The following INPP5A variants were observed in gnomAD, a reference collection of about 807,000 sequenced individuals.
The protein encoded by INPP5A is inositol polyphosphate-5-phosphatase A, also known as 43 kDa inositol polyphosphate 5-phophatase.
INPP5A carries 14 observed loss-of-function variants against 65.2 expected under a neutral mutation model. That is an observed-to-expected ratio of 0.21 (90% CI 0.14 to 0.34). INPP5A has a LOEUF of 0.34. Among genes scored for constraint, INPP5A ranks in the 10% least tolerant of loss-of-function variants. INPP5A has a pLI of 1.00. For synonymous variants in INPP5A, 207 were observed against 208.3 expected, an observed-to-expected ratio of 0.99 and a Z score of 0.05; for missense variants, 431 against 545.6, an observed-to-expected ratio of 0.79 and a Z score of 2.09.
chr10:132,780,777 T>C, intron 13 of INPP5A, 72 bp from the exon 14 acceptor site: 1 of 1,214,706 alleles, frequency 8.2e-7, no homozygotes, highest in Non-Finnish European at 1.2e-6. Context: ...CTGATGTTCC[T>C]GCCAGTCAGC....
At chr10:132,559,960 G>C (rs2071180832) in intron 1 of INPP5A, among the ~76,000 whole-genome samples, 1 of 152,260 alleles carries the variant, frequency 6.6e-6, no homozygotes, top group Non-Finnish European at 1.5e-5. Context: ...CTCGGGTGTA[G>C]ACCTGCTTGT....
intron 5 of INPP5A, among the ~76,000 whole-genome samples, chr10:132,692,816 A>G (rs189321886): frequency 4.6e-5 from 7 of 152,384 alleles, no homozygotes; most frequent in Admixed American, 3.9e-4. Flanking sequence ...AACGGAAGGA[A>G]ATATCATATA....
chr10:132,615,725 G>T (rs1001058132), intron 2 of INPP5A, among the ~76,000 whole-genome samples: 1 of 152,172 alleles, frequency 6.6e-6, no homozygotes, highest in Non-Finnish European at 1.5e-5. Flanking sequence ...GGGCACCCTT[G>T]CTTGAAGCTA....
intron 8 of INPP5A, among the ~76,000 whole-genome samples, chr10:132,721,535 C>T (rs998048298): frequency 3.0e-5 from 4 of 134,404 alleles, no homozygotes; most frequent in East Asian, 4.7e-4. Context: ...GGCTATCTTG[C>T]GGTTTCTGTG....
intron 8 of INPP5A, among the ~76,000 whole-genome samples, chr10:132,723,408 C>A (rs542335173): frequency 3.8e-4 from 58 of 152,288 alleles, no homozygotes; most frequent in African/African-American, 1.3e-3. Context: ...CGCGTCTGTT[C>A]CTGCGACACC....
At position 132,762,736 on chromosome 10, in the gene INPP5A, G is replaced by A. The variant is rs969329705; in HGVS notation, c.904-3037G>A. ...TAGAAACATACTTGGGGCTGGGCAC[G>A]GTAGAACACTTGGGGAGGCCGAGGC... On this transcript the variant is annotated intron_variant, in intron 11 of 15. Coordinates refer to ENST00000368594, the MANE Select transcript of INPP5A (RefSeq NM_005539.5). This position sits in a 1 kb window ranked among gnomAD's most constrained non-coding sequence, Gnocchi z 4.6. 6.6e-6 allele frequency among the ~76,000 whole-genome samples: 1 copy of A among 152,162 alleles called. No homozygotes were observed. The highest frequency in any genetic ancestry group is 1.5e-5 in the Non-Finnish European group (1 of 68,038).
rs1000863367 is a variant in INPP5A at position 132,587,503 on chromosome 10, C to T, written c.76-20412C>T. On this transcript the variant is annotated intron_variant, in intron 1 of 15. Transcript: ENST00000368594. The surrounding 1 kb of genome is among the most constrained non-coding windows in gnomAD (Gnocchi z 4.3). ...CCATACCAGACGGAACCTTTGTCCA[C>T]AGGGTCCCTGTAACCAGAGCTGTTG... Among the ~76,000 whole-genome samples, 18 of 152,216 alleles carry T rather than the reference C, an allele frequency of 1.2e-4. No individual in the cohort carries two copies. The highest frequency in any genetic ancestry group is 2.2e-4 in the Non-Finnish European group (15 of 68,042).
intron 2 of INPP5A, among the ~76,000 whole-genome samples, chr10:132,630,590 G>GGGAAGACGTCCATGAGA (rs1276365996): frequency 1.3e-5 from 2 of 149,192 alleles, no homozygotes; most frequent in African/African-American, 5.0e-5. Context: ...CGTCCATGAG[G>GGGAAGACGTCCATGAGA]GGAAGACGTC....
chr10:132,600,155 C>T (rs2485638), intron 1 of INPP5A, among the ~76,000 whole-genome samples: 38,093 of 152,208 alleles, frequency 0.25, 5,538 homozygotes, highest in East Asian at 0.5. Context: ...GGTTTTGCTT[C>T]TCTATCACAT....
chr10:132,673,994 A>G (rs182210222), intron 4 of INPP5A, among the ~76,000 whole-genome samples: 2 of 152,200 alleles, frequency 1.3e-5, no homozygotes, highest in African/African-American at 4.8e-5. Context: ...TCCTGCCATC[A>G]TGGCCACTTT....
intron 1 of INPP5A, among the ~76,000 whole-genome samples, chr10:132,567,425 T>A (rs919321135): frequency 2.0e-5 from 3 of 152,244 alleles, no homozygotes; most frequent in Non-Finnish European, 2.9e-5. Flanking sequence ...GGATTACAGG[T>A]GTGAGCTGCT....
rs564756475 is a variant in INPP5A at position 132,697,369 on chromosome 10, G to A, written c.371-447G>A. On this transcript the variant is annotated intron_variant, in intron 5 of 15. Transcript: ENST00000368594. The surrounding 1 kb of genome is among the most constrained non-coding windows in gnomAD (Gnocchi z 5.6). ...AAGCCCATCTGGGAGGCACCCTGCCGCGCGCTGCCTCTCTCACCATCACAC... is the reference window on the plus strand; with the variant it reads ...AAGCCCATCTGGGAGGCACCCTGCCACGCGCTGCCTCTCTCACCATCACAC... Among the ~76,000 whole-genome samples, 5 of 152,372 alleles carry A rather than the reference G, an allele frequency of 3.3e-5. No individual in the cohort carries two copies. Among genetic ancestry groups the A allele is most frequent in the African/African-American group, 9.6e-5 (4 of 41,588 alleles).
chr10:132,709,480 C>T (rs1415345926), intron 7 of INPP5A, among the ~76,000 whole-genome samples: 4 of 151,984 alleles, frequency 2.6e-5, no homozygotes, highest in Non-Finnish European at 5.9e-5. Context: ...CCGTGCCCAC[C>T]CCAGGCAGTG....
intron 3 of INPP5A, among the ~76,000 whole-genome samples, 192 bp downstream of exon 3, chr10:132,646,160 G>A (rs950104124): frequency 7.9e-5 from 12 of 152,192 alleles, no homozygotes; most frequent in Non-Finnish European, 1.6e-4. Context: ...TTGGGGCGGC[G>A]ACAGAAGGCC....
intron 2 of INPP5A, among the ~76,000 whole-genome samples, chr10:132,624,679 G>T (rs1229058297): frequency 6.6e-6 from 1 of 152,196 alleles, no homozygotes; most frequent in Admixed American, 6.5e-5. Context: ...TACATGCTCA[G>T]GACTCCCCAC....
intron 3 of INPP5A, 94 bp downstream of exon 3, chr10:132,646,062 A>G: frequency 1.3e-6 from 1 of 773,272 alleles, no homozygotes; most frequent in Non-Finnish European, 2.2e-6. Flanking sequence ...CACCAGCCTC[A>G]CCATTCGGGA....
intron 5 of INPP5A, among the ~76,000 whole-genome samples, chr10:132,692,126 A>T (rs1590930144): frequency 6.6e-6 from 1 of 152,166 alleles, no homozygotes; most frequent in African/African-American, 2.4e-5. Context: ...AGAAGGACTC[A>T]AAAAGAAAAC....
intron 1 of INPP5A, among the ~76,000 whole-genome samples, chr10:132,604,517 G>T (rs181826723): frequency 6.6e-6 from 1 of 152,216 alleles, no homozygotes; most frequent in Non-Finnish European, 1.5e-5. Context: ...GTGAGGTTTG[G>T]GGGGAAAGGG....
chr10:132,765,693 G>A (rs575028547), intron 11 of INPP5A, 80 bp from the exon 12 acceptor site: 870 of 832,556 alleles, frequency 1.0e-3, no homozygotes, highest in Non-Finnish European at 1.6e-3. Flanking sequence ...GCATTTGAGC[G>A]TCCCAGCTGC....
Sources: allele counts gnomAD v4.1 joint callset (sites outside exome capture counted in the v4.1 genomes callset), GRCh38; gene constraint gnomAD v4.1.1; non-coding constraint Gnocchi (gnomAD v3.1); transcripts MANE v1.5; gene names NCBI Gene and HGNC (gene_info 2026-07-23, HGNC 2026-07-21).